EARS2: variants seen among roughly 807,000 people sequenced by gnomAD.
EARS2 encodes nondiscriminating glutamyl-tRNA synthetase EARS2, mitochondrial.
EARS2 carries 50 observed loss-of-function variants against 54.1 expected under a neutral mutation model. The ratio of observed to expected loss-of-function variants is 0.92; its 90% CI spans 0.74 to 1.17. The LOEUF is 1.17. Ranked by LOEUF, EARS2 falls within the 50% of genes most tolerant of loss-of-function variation. The pLI, the probability that EARS2 is intolerant of heterozygous loss-of-function variation, is 0.00. For synonymous variants in EARS2, 298 were observed against 281.0 expected, an observed-to-expected ratio of 1.06 and a Z score of -0.61; for missense variants, 673 against 675.0, an observed-to-expected ratio of 1.00 and a Z score of 0.03.
intron 5 of EARS2, among the ~76,000 whole-genome samples, chr16:23,530,637 A>G (rs1358022546): frequency 6.6e-6 from 1 of 152,050 alleles, no homozygotes; most frequent in Non-Finnish European, 1.5e-5. Context: ...GGAGGCCAAG[A>G]AGGGAGGATC....
At chr16:23,527,696 G>A (rs1356330906) in intron 7 of EARS2, among the ~76,000 whole-genome samples, 1 of 151,896 alleles carries the variant, frequency 6.6e-6, no homozygotes, top group African/African-American at 2.4e-5. Flanking sequence ...TGGGACTACA[G>A]GCGCCCACCA....
At chr16:23,548,856 G>C (rs1267633572) in intron 2 of EARS2, among the ~76,000 whole-genome samples, 2 of 152,042 alleles carry the variant, frequency 1.3e-5, no homozygotes, top group Non-Finnish European at 2.9e-5. Flanking sequence ...CTTTTTCCAA[G>C]ACCACTCATG....
In EARS2 at chr16:23,557,318, A is replaced by C; in HGVS notation, c.26T>G (p.Leu9Arg). 1 of 1,538,568 alleles carries C rather than the reference A, an allele frequency of 6.5e-7. No individual in the cohort carries two copies. Among genetic ancestry groups the C allele is most frequent in the South Asian group, 1.2e-5 (1 of 84,726 alleles). Reference protein sequence around the residue: MAALLRRLLQRERPSAASG... With the variant: MAALLRRLRQRERPSAASG... ...GGCCGCCGAAGGCCTCTCGCGCTGCAGCAGTCTCCTCAGGAGCGCCGCCAT... is the reference window on the plus strand; with the variant it reads ...GGCCGCCGAAGGCCTCTCGCGCTGCCGCAGTCTCCTCAGGAGCGCCGCCAT... The change falls in exon 1 of 9, where the codon CTG (leucine) becomes CGG (arginine). Residue 9 changes from leucine to arginine, a missense_variant. Physicochemically the swap from Leu to Arg is moderately radical, Grantham distance 102. Around this residue, in one of 3 missense-constraint regions of EARS2, gnomAD observed 316 missense variants for 275.2 expected, o/e 1.15. Coordinates refer to ENST00000449606, the MANE Select transcript of EARS2 (RefSeq NM_001083614.2).
intron 3 of EARS2, among the ~76,000 whole-genome samples, chr16:23,539,182 G>T (rs563644225): frequency 1.6e-4 from 25 of 152,014 alleles, no homozygotes; most frequent in South Asian, 4.1e-4. Flanking sequence ...TCACCACGTT[G>T]CCCAGGCTGC....
Position 23,535,177 on chromosome 16 carries a change from G to A in EARS2, c.669C>T (p.Asp223=), listed in dbSNP as rs961020225. Residue 223 remains aspartate (D), a synonymous_variant, in exon 4 of 9, where the codon GAC becomes GAT. Transcript: ENST00000449606. The part of the protein sequence containing the change: ...VEGDPVIMKS[D]GFPTYHLACV... ...AGGCCAGGTGGTATGTGGGGAAGCC[G>A]TCGCTCTTCATGATGACTGGGTCTC... 1.2e-5 allele frequency: 19 copies of A among 1,613,620 alleles called. No individual in the cohort carries two copies. The highest frequency in any genetic ancestry group is 9.3e-5 in the African/African-American group (7 of 74,924).
At chr16:23,551,820 T>C (rs1407968919) in intron 2 of EARS2, among the ~76,000 whole-genome samples, 1 of 152,152 alleles carries the variant, frequency 6.6e-6, no homozygotes, top group Non-Finnish European at 1.5e-5. Flanking sequence ...ACTTGGAGGC[T>C]GAGGCAGAAG....
At chr16:23,536,136 C>G (rs970608376) in intron 3 of EARS2, among the ~76,000 whole-genome samples, 1 of 152,218 alleles carries the variant, frequency 6.6e-6, no homozygotes, top group South Asian at 2.1e-4. Flanking sequence ...CCCAGACCTA[C>G]TGAGTCAGAA....
At chr16:23,555,441 T>C (rs1423891430) in intron 1 of EARS2, among the ~76,000 whole-genome samples, 2 of 152,048 alleles carry the variant, frequency 1.3e-5, no homozygotes, top group East Asian at 3.9e-4. Flanking sequence ...TGAGCCGAGA[T>C]TGCACCACTG....
chr16:23,524,438 G>A lies in EARS2; in HGVS notation c.1505C>T (p.Ala502Val), dbSNP rs1289069582. The A allele has an allele frequency of 3.1e-6, 5 of 1,614,126 alleles. No individual in the cohort carries two copies. The highest frequency in any genetic ancestry group is 1.1e-5 in the South Asian group (1 of 91,086). Residue 502 changes from alanine (A) to valine (V), a missense_variant, in exon 9 of 9, where the codon GCT becomes GTT. Around this residue, in one of 3 missense-constraint regions of EARS2, gnomAD observed 338 missense variants for 361.2 expected, o/e 0.94. Coordinates refer to ENST00000449606, the MANE Select transcript of EARS2 (RefSeq NM_001083614.2). The part of the protein sequence containing the change: ...LSGQQQGPPV[A>V]EMMLALGPKE... The stretch of plus-strand genomic sequence containing the variant: ...TGGTCCCAAGGCCAACATCATCTCA[G>A]CTACAGGAGGTCCTTGCTAAGAACA...
chr16:23,549,940 A>G (rs547579371), intron 2 of EARS2, among the ~76,000 whole-genome samples: 22 of 152,282 alleles, frequency 1.4e-4, no homozygotes, highest in African/African-American at 5.3e-4. Flanking sequence ...CACTTCATGC[A>G]GGTCTCTGCT....
chr16:23,534,037 C>T (rs192738974), intron 4 of EARS2, among the ~76,000 whole-genome samples: 42 of 135,932 alleles, frequency 3.1e-4, no homozygotes, highest in African/African-American at 1.1e-3. Context: ...GAATGGGGGA[C>T]AAGAAGTTCT....
chr16:23,524,689 C>T (rs1275300222), intron 8 of EARS2, among the ~76,000 whole-genome samples: 1 of 150,980 alleles, frequency 6.6e-6, no homozygotes, highest in East Asian at 1.9e-4. Context: ...CTCTATCACC[C>T]AGGCTGGAAT....
At chr16:23,539,450 G>A (rs1965477468) in intron 3 of EARS2, among the ~76,000 whole-genome samples, 1 of 152,056 alleles carries the variant, frequency 6.6e-6, no homozygotes, top group African/African-American at 2.4e-5. Context: ...AACACAGCTT[G>A]TATGAAAACT....
At chr16:23,547,389 AG>A (rs1370315275) in intron 2 of EARS2, among the ~76,000 whole-genome samples, 1 of 152,210 alleles carries the variant, frequency 6.6e-6, no homozygotes, top group Non-Finnish European at 1.5e-5. Context: ...AGTTTCTTTT[AG>A]GGGTGATGGA....
intron 3 of EARS2, among the ~76,000 whole-genome samples, chr16:23,540,667 G>A (rs1487792973): frequency 6.6e-6 from 1 of 152,228 alleles, no homozygotes; most frequent in East Asian, 1.9e-4. Context: ...GCTGAGCGCA[G>A]TGGCTCATGC....
chr16:23,547,103 A>C (rs897995030), intron 2 of EARS2, among the ~76,000 whole-genome samples: 2 of 152,246 alleles, frequency 1.3e-5, no homozygotes, highest in African/African-American at 2.4e-5. Flanking sequence ...ACAGCCAAAA[A>C]CCAGAGTAAC....
At chr16:23,526,004 A>AT (rs1044052601) in intron 7 of EARS2, among the ~76,000 whole-genome samples, 7 of 150,080 alleles carry the variant, frequency 4.7e-5, no homozygotes, top group African/African-American at 1.7e-4. Context: ...TTTCAAAATA[A>AT]AAAAAAAAAA....
At position 23,524,373 on chromosome 16, in the gene EARS2, A is replaced by C; in HGVS notation, c.1570T>G (p.Ter524GluextTer15). ...RERIQKVVSS[*>E] is the part of the protein sequence containing the mutation. The stretch of plus-strand genomic sequence containing the variant: ...CCACTGCCCGAAACATCCTCTCCCT[A>C]GCTGGAAACCACCTTCTGGATCCGT... The change falls in exon 9 of 9, where the codon TAG becomes GAG. Residue 524 changes from the stop codon to glutamate, a stop_lost. Transcript: ENST00000449606. 6.2e-7 allele frequency: 1 copy of C among 1,613,892 alleles called. No individual in the cohort carries two copies. Among genetic ancestry groups the C allele is most frequent in the Admixed American group, 1.7e-5 (1 of 60,014 alleles).
intron 1 of EARS2, among the ~76,000 whole-genome samples, chr16:23,553,882 C>T (rs369335573): frequency 2.4e-4 from 35 of 145,806 alleles, no homozygotes; most frequent in African/African-American, 8.3e-4. Flanking sequence ...GGCGACAGGG[C>T]GAGACTCCAT....
Sources: allele counts gnomAD v4.1 joint callset (sites outside exome capture counted in the v4.1 genomes callset), GRCh38; gene constraint gnomAD v4.1.1; regional missense constraint gnomAD v4.1.1; transcripts MANE v1.5; gene names NCBI Gene and HGNC (gene_info 2026-07-23, HGNC 2026-07-21).